Variants in DCLK3 observed in about 807,000 individuals in gnomAD.
DCLK3 encodes the protein serine/threonine-protein kinase DCLK3.
Under a neutral mutation model 46.4 loss-of-function variants are expected in DCLK3, and 30 were observed. The ratio of observed to expected loss-of-function variants is 0.65; its 90% CI spans 0.48 to 0.88. DCLK3 has a LOEUF of 0.88. DCLK3 is among the 40% of genes least tolerant of loss of function. DCLK3 has a pLI of 0.00. For missense variants in DCLK3, 846 were observed against 907.1 expected (o/e 0.93, Z 0.87); for synonymous variants, 401 against 339.2 (o/e 1.18, Z -2.00).
Position 36,721,517 on chromosome 3 carries a change from T to C in DCLK3, c.2092+10A>G, listed in dbSNP as rs1250888707. 4 of 1,613,932 alleles carry C rather than the reference T, an allele frequency of 2.5e-6. No individual in the cohort carries two copies. Among genetic ancestry groups the C allele is most frequent in the Non-Finnish European group, 3.4e-6 (4 of 1,179,922 alleles). ...AACTAGAGTCCCACAGATCGATGTGTAACACTTACCTTTCTCAGAAAGAAT... is the reference window on the plus strand; with the variant it reads ...AACTAGAGTCCCACAGATCGATGTGCAACACTTACCTTTCTCAGAAAGAAT... On this transcript the variant is annotated intron_variant, in intron 3 of 4. Transcript: ENST00000636136.
intron 2 of DCLK3, among the ~76,000 whole-genome samples, chr3:36,731,109 T>C (rs1559389039): frequency 6.6e-6 from 1 of 152,148 alleles, no homozygotes; most frequent in Non-Finnish European, 1.5e-5. Flanking sequence ...GTCACTGTAA[T>C]GCACTGTCTT....
At chr3:36,727,032 CA>C (rs1209774841) in intron 2 of DCLK3, among the ~76,000 whole-genome samples, 1 of 152,078 alleles carries the variant, frequency 6.6e-6, no homozygotes, top group East Asian at 1.9e-4. Flanking sequence ...CATGTAATCC[CA>C]GTACTTTGGG....
chr3:36,713,424 A>G lies in DCLK3; in HGVS notation c.*1904T>C, dbSNP rs555117196. ...TGGTGTCTTTATCAAAATATGTTCT[A>G]GTAGCAACTGAATCCAGCTTCCAGC... On this transcript the variant is annotated 3_prime_UTR_variant, in exon 5 of 5. Coordinates refer to ENST00000636136, the MANE Select transcript of DCLK3 (RefSeq NM_001394672.2). 1 of 152,348 alleles carries G rather than the reference A, an allele frequency of 6.6e-6. No individual in the cohort carries two copies. Among genetic ancestry groups the G allele is most frequent in the South Asian group, 2.1e-4 (1 of 4,828 alleles). The allele number at this position is 152,348 out of a possible 1,614,324, so 9.4% of individuals were successfully genotyped here.
chr3:36,740,383 A>C lies in DCLK3; in HGVS notation c.83-1299T>G, dbSNP rs762571642. On this transcript the variant is annotated intron_variant, in intron 1 of 4. Coordinates refer to ENST00000636136, the MANE Select transcript of DCLK3 (RefSeq NM_001394672.2). ...CACAGCTTCTTCTGGCATCACAAGA[A>C]CTCATGGACCCACATGATGTGGTAG... is the stretch of plus-strand genomic sequence containing the variant. Among the ~76,000 whole-genome samples the C allele has an allele frequency of 2.0e-5, 3 of 152,138 alleles. No homozygotes were observed. In the South Asian group the frequency reaches 6.2e-4, roughly 32 times the overall value.
chr3:36,738,561 A>G lies in DCLK3; in HGVS notation c.606T>C (p.Arg202=). 6.8e-7 allele frequency: 1 copy of G among 1,471,418 alleles called. No homozygotes were observed. Among genetic ancestry groups the G allele is most frequent in the Non-Finnish European group, 9.0e-7 (1 of 1,110,904 alleles). The allele number at this position is 1,471,418 out of a possible 1,614,324, so 91.1% of individuals were successfully genotyped here. The part of the protein sequence containing the change: ...ARALTLAQHS[R]APSPRLRSRL... Reference sequence around the variant, plus strand: ...TGCTCCTCAGCCTTGGAGAAGGGGCACGGCTGTGCTGGGCCAGTGTCAGGG... The same window carrying G: ...TGCTCCTCAGCCTTGGAGAAGGGGCGCGGCTGTGCTGGGCCAGTGTCAGGG... Residue 202 remains arginine, a synonymous_variant, in exon 2 of 5, where the codon CGT becomes CGC. Coordinates refer to ENST00000636136, the MANE Select transcript of DCLK3 (RefSeq NM_001394672.2).
intron 3 of DCLK3, among the ~76,000 whole-genome samples, chr3:36,720,098 A>G (rs1701036800): frequency 6.6e-6 from 1 of 152,164 alleles, no homozygotes; most frequent in Admixed American, 6.5e-5. Context: ...ATGGGGGTGG[A>G]TCCTTCATGA....
At position 36,738,589 on chromosome 3, in the gene DCLK3, C is replaced by T. The variant is rs56070233; in HGVS notation, c.578G>A (p.Arg193Gln). 9.2e-3 allele frequency: 12,980 copies of T among 1,406,686 alleles called. 83 individuals are homozygous for T. Among genetic ancestry groups the T allele is most frequent in the Non-Finnish European group, 0.011 (11,483 of 1,077,140 alleles). 87.1% of individuals were successfully genotyped at this position (1,406,686 alleles called of 1,614,324 possible). A position where few individuals can be genotyped will look rare whatever the true frequency, so the allele number is the denominator to read the frequency against. ...AVEELYPNKA[R>Q]ALTLAQHSRA... ...GCTGTGCTGGGCCAGTGTCAGGGCCCGGGCTTTGTTGGGGTACAGTTCTTC... is the reference window on the plus strand; with the variant it reads ...GCTGTGCTGGGCCAGTGTCAGGGCCTGGGCTTTGTTGGGGTACAGTTCTTC... The change falls in exon 2 of 5, where the codon CGG becomes CAG. Residue 193 changes from arginine to glutamine, a missense_variant. Physicochemically the swap from Arg to Gln is conservative, Grantham distance 43. This residue lies in a region of DCLK3 where 553 missense variants were observed against 543.0 expected (regional missense o/e 1.02). Coordinates refer to ENST00000636136, the MANE Select transcript of DCLK3 (RefSeq NM_001394672.2).
At chr3:36,725,127 A>T (rs1701110060) in intron 2 of DCLK3, among the ~76,000 whole-genome samples, 1 of 152,080 alleles carries the variant, frequency 6.6e-6, no homozygotes, top group Admixed American at 6.5e-5. Flanking sequence ...ATCCTGGCTA[A>T]CACGGTGAAA....
chr3:36,751,256 C>T (rs913479435), intron 1 of DCLK3, among the ~76,000 whole-genome samples: 8 of 152,112 alleles, frequency 5.3e-5, no homozygotes, highest in African/African-American at 1.9e-4. Flanking sequence ...GGCATCCAAT[C>T]GGACCCACAA....
chr3:36,718,587 T>A (rs187701612), intron 3 of DCLK3, among the ~76,000 whole-genome samples: 1 of 152,224 alleles, frequency 6.6e-6, no homozygotes, highest in Non-Finnish European at 1.5e-5. Context: ...ACATGTGGCA[T>A]GAGATGTGTT....
rs1700950185 is a variant in DCLK3, at chr3:36,714,499, A to G, written c.*829T>C. On this transcript the variant is annotated 3_prime_UTR_variant, in exon 5 of 5. Transcript: ENST00000636136. ...TGTGCTTGAACTCTGAGCTCCTTCG[A>G]GCCCCAGTGTAATCCATTTACTGCA... 6.6e-6 allele frequency: 1 copy of G among 152,200 alleles called. No individual in the cohort carries two copies. The highest frequency in any genetic ancestry group is 2.1e-4 in the South Asian group (1 of 4,830). 9.4% of individuals were successfully genotyped at this position (152,200 alleles called of 1,614,324 possible).
intron 1 of DCLK3, among the ~76,000 whole-genome samples, chr3:36,751,772 A>G (rs1701443427): frequency 6.6e-6 from 1 of 152,216 alleles, no homozygotes; most frequent in African/African-American, 2.4e-5. Context: ...GCGTGGCAAG[A>G]TTCTAAACAC....
In DCLK3 at chr3:36,719,800, CT is replaced by C. The variant is rs566941984; in HGVS notation, c.2093-1624del. Among the ~76,000 whole-genome samples, 522 of 152,348 alleles carry C rather than the reference CT, an allele frequency of 3.4e-3. 3 individuals are homozygous for C. Among genetic ancestry groups the C allele is most frequent in the African/African-American group, 0.011 (478 of 41,576 alleles). ...TCAAAATTAAACTCAGCCCATCCCC[CT>C]ATCTCCCAAAAGAGCTATCCTTTCC... On this transcript the variant is annotated intron_variant, in intron 3 of 4. Coordinates refer to ENST00000636136, the MANE Select transcript of DCLK3 (RefSeq NM_001394672.2).
chr3:36,737,551 A>G lies in DCLK3; in HGVS notation c.1616T>C (p.Val539Ala). Residue 539 changes from valine to alanine, a missense_variant, in exon 2 of 5, where the codon GTG becomes GCG. Physicochemically the swap from Val to Ala is moderately conservative, Grantham distance 64 (BLOSUM62 0). Around this residue, in one of 3 missense-constraint regions of DCLK3, gnomAD observed 247 missense variants for 322.8 expected, o/e 0.77. Transcript: ENST00000636136. This position sits in a 1 kb window ranked among gnomAD's most constrained non-coding sequence, Gnocchi z 4.4. ...RVIGDGNFAV[V>A]KECRHRETRQ... is the part of the protein sequence containing the mutation. ...GGTCTCGCGGTGTCTGCACTCCTTCACGACAGCAAAGTTCCCATCCCCAAT... is the reference window on the plus strand; with the variant it reads ...GGTCTCGCGGTGTCTGCACTCCTTCGCGACAGCAAAGTTCCCATCCCCAAT... 1.2e-6 allele frequency: 2 copies of G among 1,614,096 alleles called. No homozygotes were observed. The highest frequency in any genetic ancestry group is 1.7e-6 in the Non-Finnish European group (2 of 1,180,008).
At chr3:36,751,952 C>T (rs1701445494) in intron 1 of DCLK3, among the ~76,000 whole-genome samples, 1 of 152,180 alleles carries the variant, frequency 6.6e-6, no homozygotes, top group Non-Finnish European at 1.5e-5. Context: ...ATTTCTGCCC[C>T]CAAATTTATC....
At chr3:36,741,100 C>T (rs139944304) in intron 1 of DCLK3, among the ~76,000 whole-genome samples, 365 of 152,314 alleles carry the variant, frequency 2.4e-3, no homozygotes, top group Non-Finnish European at 4.6e-3. Flanking sequence ...TCCCTTTCTT[C>T]TCACAGCCTC....
rs1701062872 is a variant in DCLK3 at position 36,721,679 on chromosome 3, C to A, written c.1960-20G>T. The stretch of plus-strand genomic sequence containing the variant: ...CTGAACCTGTAAGAAACCAAAATCC[C>A]CAAACCACCAAAATTGTGATTAGAA... On this transcript the variant is annotated intron_variant, in intron 2 of 4. Transcript: ENST00000636136. 1 of 1,613,864 alleles carries A rather than the reference C, an allele frequency of 6.2e-7. No individual in the cohort carries two copies. The highest frequency in any genetic ancestry group is 1.3e-5 in the African/African-American group (1 of 75,010).
intron 3 of DCLK3, among the ~76,000 whole-genome samples, chr3:36,719,773 A>T (rs1172384945): frequency 2.0e-5 from 3 of 152,222 alleles, no homozygotes; most frequent in Non-Finnish European, 4.4e-5. Context: ...AAGTCAGTGT[A>T]TTCAAAATTA....
rs181604449 is a variant in DCLK3 at position 36,729,428 on chromosome 3, T to A, written c.1960-7769A>T. Among the ~76,000 whole-genome samples, 28 of 152,334 alleles carry A rather than the reference T, an allele frequency of 1.8e-4. No homozygotes were observed. The East Asian group carries it at 5.2e-3, about 28-fold the overall frequency. ...TAAGAGGTTGCTTTACATGGCACTG[T>A]AATGACTGTTATCTGTCTGCATCTA... On this transcript the variant is annotated intron_variant, in intron 2 of 4. Coordinates refer to ENST00000636136, the MANE Select transcript of DCLK3 (RefSeq NM_001394672.2).
Sources: gnomAD v4.1 joint callset for allele counts (sites outside exome capture counted in the v4.1 genomes callset) on GRCh38, gnomAD v4.1.1 for gene constraint, gnomAD v4.1.1 regional missense constraint, Gnocchi (gnomAD v3.1) non-coding constraint, MANE v1.5 for transcripts, NCBI Gene and HGNC (gene_info 2026-07-23, HGNC 2026-07-21) for gene names.